Variants in CACNA1E observed in about 807,000 individuals in gnomAD.
CACNA1E encodes calcium voltage-gated channel subunit alpha1 E.
In CACNA1E, 40 loss-of-function variants were observed where a neutral mutation model predicts 259.2. The ratio of observed to expected loss-of-function variants is 0.15; its 90% confidence interval spans 0.12 to 0.20. The LOEUF is 0.20. Ranked by LOEUF, CACNA1E falls within the 10% of genes least tolerant of loss-of-function variation. The pLI is 1.00. For missense variants in CACNA1E, 1,874 were observed against 3,040.1 expected (o/e 0.62, Z 9.02); for synonymous variants, 1,104 against 1,138.5 (o/e 0.97, Z 0.61).
intron 2 of CACNA1E, among the ~76,000 whole-genome samples, chr1:181,423,576 G>A (rs143763754): frequency 2.0e-5 from 3 of 152,006 alleles, no homozygotes; most frequent in East Asian, 1.9e-4. Context: ...CATTCACACC[G>A]CATTCAGCAT....
intron 37 of CACNA1E, among the ~76,000 whole-genome samples, chr1:181,775,677 GATGA>G (rs1369351821): frequency 2.0e-5 from 3 of 152,144 alleles, no homozygotes; most frequent in Non-Finnish European, 4.4e-5. Context: ...GAAAACAAAA[GATGA>G]ATGATGTTTC....
chr1:181,373,586 G>T (rs1183650418), intron 1 of CACNA1E, among the ~76,000 whole-genome samples: 1 of 142,400 alleles, frequency 7.0e-6, no homozygotes, highest in Non-Finnish European at 1.5e-5. Context: ...CGCCCAGGCT[G>T]GAGTGCAGTG....
At chr1:181,378,567 G>A (rs1655252004) in intron 1 of CACNA1E, among the ~76,000 whole-genome samples, 1 of 152,192 alleles carries the variant, frequency 6.6e-6, no homozygotes, top group Non-Finnish European at 1.5e-5. Context: ...TGGAGATTTG[G>A]AAAGGATTCC....
intron 1 of CACNA1E, among the ~76,000 whole-genome samples, chr1:181,354,894 T>C (rs953706543): frequency 7.9e-5 from 12 of 152,118 alleles, no homozygotes; most frequent in African/African-American, 2.2e-4. Context: ...GCCTAGTGAG[T>C]AACATGAACC....
At chr1:181,499,154 T>C (rs1370651527) in intron 1 of CACNA1E, among the ~76,000 whole-genome samples, 1 of 152,190 alleles carries the variant, frequency 6.6e-6, no homozygotes, top group Non-Finnish European at 1.5e-5. Flanking sequence ...AGAGCAGATC[T>C]CAGCAGATGG....
At position 181,380,017 on chromosome 1, in the gene CACNA1E, ATATT is replaced by A. The variant is rs1655354806; in HGVS notation, c.-14-33113_-14-33110del. Among the ~76,000 whole-genome samples, 5 of 147,918 alleles carry A rather than the reference ATATT, an allele frequency of 3.4e-5. No homozygotes were observed. In the South Asian group the frequency reaches 1.0e-3, roughly 31 times the overall value. Reference sequence around the variant, plus strand: ...ATCATAAGGTAAATATATTTAATATATATTTAAATATAATATGTATTTGATATAT... The same window carrying A: ...ATCATAAGGTAAATATATTTAATATATAAATATAATATGTATTTGATATAT... On this transcript the variant is annotated intron_variant, in intron 1 of 11. Transcript: ENST00000524607.
At chr1:181,639,057 C>T (rs1386036892) in intron 6 of CACNA1E, among the ~76,000 whole-genome samples, 1 of 151,934 alleles carries the variant, frequency 6.6e-6, no homozygotes, top group African/African-American at 2.4e-5. Context: ...TGCTATGCAC[C>T]TGGTCCAATG....
intron 7 of CACNA1E, among the ~76,000 whole-genome samples, chr1:181,683,275 G>C (rs895079975): frequency 3.9e-5 from 6 of 152,162 alleles, no homozygotes; most frequent in East Asian, 1.9e-4. Context: ...GTTCCCACAG[G>C]TTCAACAACA....
chr1:181,733,869 G>A, intron 21 of CACNA1E, 119 bp downstream of exon 21: 1 of 686,382 alleles, frequency 1.5e-6, no homozygotes, highest in Non-Finnish European at 2.2e-6. Flanking sequence ...CCTTCAAGAA[G>A]TAAAAATGAG....
At chr1:181,613,319 C>T (rs1322719219) in intron 6 of CACNA1E, among the ~76,000 whole-genome samples, 2 of 152,122 alleles carry the variant, frequency 1.3e-5, no homozygotes, top group African/African-American at 2.4e-5. Context: ...TTTGAGACCC[C>T]CCAAACTTAA....
chr1:181,398,156 A>G (rs1424157866), intron 1 of CACNA1E, among the ~76,000 whole-genome samples: 1 of 152,232 alleles, frequency 6.6e-6, no homozygotes, highest in Non-Finnish European at 1.5e-5. Context: ...AACATCTATG[A>G]AAGCCACAGG....
chr1:181,438,603 A>G (rs560622865), intron 2 of CACNA1E, among the ~76,000 whole-genome samples: 1 of 152,240 alleles, frequency 6.6e-6, no homozygotes, highest in Non-Finnish European at 1.5e-5. Flanking sequence ...GAAATCCCCA[A>G]TATAGAAATA....
chr1:181,753,512 A>T (rs1362109136), intron 27 of CACNA1E, among the ~76,000 whole-genome samples: 1 of 152,198 alleles, frequency 6.6e-6, no homozygotes, highest in Non-Finnish European at 1.5e-5. Context: ...GGAAATGAGG[A>T]CACATTGTAA....
intron 1 of CACNA1E, among the ~76,000 whole-genome samples, chr1:181,412,649 C>T (rs1372628858): frequency 2.6e-5 from 4 of 151,852 alleles, no homozygotes; most frequent in Non-Finnish European, 4.4e-5. Context: ...TGGTGGCAAT[C>T]CCCCCAGAGT....
intron 13 of CACNA1E, 30 bp from the exon 14 acceptor site, chr1:181,720,176 C>G: frequency 1.9e-6 from 3 of 1,613,478 alleles, no homozygotes; most frequent in Non-Finnish European, 2.5e-6. Flanking sequence ...ATGCAGTGTT[C>G]ACAGCTGTCA....
intron 6 of CACNA1E, among the ~76,000 whole-genome samples, chr1:181,625,310 C>T (rs542899906): frequency 6.6e-6 from 1 of 152,234 alleles, no homozygotes; most frequent in East Asian, 1.9e-4. Context: ...TGAAGCCAAA[C>T]GTCGTCTTCT....
Position 181,806,066 on chromosome 1 carries a change from T to C in CACNA1E, c.*7232T>C, listed in dbSNP as rs1662601226. The C allele has an allele frequency of 6.6e-6, 1 of 152,212 alleles. No homozygotes were observed. The highest frequency in any genetic ancestry group is 2.4e-5 in the African/African-American group (1 of 41,454). 9.4% of individuals were successfully genotyped at this position (152,212 alleles called of 1,614,324 possible). ...TGAAGGCCTCAGAGGATTAATAGAT[T>C]CCCAAAATTTTCTTCCAGACCTGGG... On this transcript the variant is annotated 3_prime_UTR_variant, in exon 48 of 48. Coordinates refer to ENST00000367573, the MANE Select transcript of CACNA1E (RefSeq NM_001205293.3).
At chr1:181,714,883 A>C (rs1393516967) in intron 8 of CACNA1E, among the ~76,000 whole-genome samples, 1 of 152,194 alleles carries the variant, frequency 6.6e-6, no homozygotes, top group Non-Finnish European at 1.5e-5. Flanking sequence ...AATAAAGCCC[A>C]AAACATGGGC....
intron 1 of CACNA1E, among the ~76,000 whole-genome samples, chr1:181,359,412 G>C (rs1653695996): frequency 6.6e-6 from 1 of 152,176 alleles, no homozygotes; most frequent in South Asian, 2.1e-4. Context: ...TGAGAAGGCA[G>C]AAAAAAACAG....
Sources: gnomAD v4.1 joint callset for allele counts (sites outside exome capture counted in the v4.1 genomes callset) on GRCh38, gnomAD v4.1.1 for gene constraint, MANE v1.5 for transcripts, NCBI Gene and HGNC (gene_info 2026-07-23, HGNC 2026-07-21) for gene names.